SLC9A9: variants seen among roughly 807,000 people sequenced by gnomAD.
SLC9A9 encodes sodium/hydrogen exchanger 9.
Under a neutral mutation model 77.8 loss-of-function variants are expected in SLC9A9, and 62 were observed. The ratio of observed to expected loss-of-function variants is 0.80; its 90% confidence interval spans 0.65 to 0.98. The LOEUF (loss-of-function observed/expected upper bound fraction) is 0.98. Among genes scored for constraint, SLC9A9 ranks in the 50% least tolerant of loss-of-function variants. The pLI, the probability that SLC9A9 is intolerant of heterozygous loss-of-function variation, is 0.00. For missense variants in SLC9A9, 775 were observed against 774.9 expected (o/e 1.00, Z 0.00); for synonymous variants, 320 against 283.5 (o/e 1.13, Z -1.29).
At chr3:143,711,844 G>T (rs1934203736) in intron 4 of SLC9A9, among the ~76,000 whole-genome samples, 1 of 152,136 alleles carries the variant, frequency 6.6e-6, no homozygotes, top group South Asian at 2.1e-4. Flanking sequence ...ATTTGCTAAG[G>T]CTTGTTATTC....
chr3:143,291,336 C>T (rs779061973), intron 14 of SLC9A9, among the ~76,000 whole-genome samples: 2 of 152,160 alleles, frequency 1.3e-5, no homozygotes, highest in Non-Finnish European at 2.9e-5. Flanking sequence ...CCACATTTCC[C>T]TTAGATGGTT....
At chr3:143,628,128 G>T (rs554188888) in intron 6 of SLC9A9, among the ~76,000 whole-genome samples, 1 of 152,328 alleles carries the variant, frequency 6.6e-6, no homozygotes, top group East Asian at 1.9e-4. Flanking sequence ...TTTAGAATGT[G>T]AGCAACTGGG....
intron 14 of SLC9A9, among the ~76,000 whole-genome samples, chr3:143,317,342 A>G (rs1050575680): frequency 2.6e-5 from 4 of 152,138 alleles, no homozygotes; most frequent in Non-Finnish European, 4.4e-5. Flanking sequence ...GCTCCTGCAC[A>G]ACAGGGCAAC....
chr3:143,494,645 C>T (rs2035803084), intron 10 of SLC9A9, among the ~76,000 whole-genome samples: 1 of 152,196 alleles, frequency 6.6e-6, no homozygotes, highest in South Asian at 2.1e-4. Context: ...TTGCTGACTG[C>T]CTTTGGGGAC....
At chr3:143,747,714 A>C (rs1935228828) in intron 4 of SLC9A9, among the ~76,000 whole-genome samples, 1 of 152,204 alleles carries the variant, frequency 6.6e-6, no homozygotes, top group African/African-American at 2.4e-5. Context: ...TCTGGGAAAA[A>C]AGAAGCCCTG....
At chr3:143,555,942 T>C (rs2036972008) in intron 8 of SLC9A9, among the ~76,000 whole-genome samples, 1 of 152,226 alleles carries the variant, frequency 6.6e-6, no homozygotes, top group African/African-American at 2.4e-5. Context: ...TGACCCTTAG[T>C]ATTAGCATAC....
At chr3:143,694,341 T>G (rs759371093) in intron 4 of SLC9A9, among the ~76,000 whole-genome samples, 1 of 152,184 alleles carries the variant, frequency 6.6e-6, no homozygotes, top group African/African-American at 2.4e-5. Flanking sequence ...ACTATCTATA[T>G]GATTTTAAGT....
intron 6 of SLC9A9, among the ~76,000 whole-genome samples, chr3:143,614,042 A>G (rs1002485347): frequency 5.3e-5 from 8 of 152,266 alleles, no homozygotes; most frequent in African/African-American, 1.7e-4. Flanking sequence ...TTTCTTTCCT[A>G]CAGATTCTTT....
intron 12 of SLC9A9, among the ~76,000 whole-genome samples, chr3:143,419,871 A>G (rs934524650): frequency 4.6e-5 from 7 of 152,274 alleles, no homozygotes; most frequent in East Asian, 3.9e-4. Context: ...GCAGATGCCA[A>G]CTCATCTGAT....
At position 143,427,995 on chromosome 3, in the gene SLC9A9, C is replaced by T. The variant is rs900663972; in HGVS notation, c.1469+39042G>A. 2.0e-5 allele frequency among the ~76,000 whole-genome samples: 3 copies of T among 152,198 alleles called. No homozygotes were observed. In the South Asian group the frequency reaches 6.2e-4, roughly 32 times the overall value. On this transcript the variant is annotated intron_variant, in intron 12 of 15. Transcript: ENST00000316549. The stretch of plus-strand genomic sequence containing the variant: ...AGATTATGAAATTACTAAAGGAAAA[C>T]ATAGGAGAAATGCTTCATGAAATTG...
At chr3:143,530,712 T>G (rs1279801759) in intron 9 of SLC9A9, among the ~76,000 whole-genome samples, 2 of 151,998 alleles carry the variant, frequency 1.3e-5, no homozygotes, top group African/African-American at 4.8e-5. Flanking sequence ...TTTTGCAACA[T>G]GAAGAAAAAG....
intron 4 of SLC9A9, among the ~76,000 whole-genome samples, chr3:143,701,988 C>T (rs1933814855): frequency 6.6e-6 from 1 of 152,144 alleles, no homozygotes; most frequent in Non-Finnish European, 1.5e-5. Flanking sequence ...GGAAATCTTA[C>T]AAGCCAGGAG....
intron 6 of SLC9A9, among the ~76,000 whole-genome samples, chr3:143,579,607 A>G (rs1486315970): frequency 6.6e-6 from 1 of 151,606 alleles, no homozygotes; most frequent in East Asian, 1.9e-4. Flanking sequence ...GACATTTCAG[A>G]TTTTTTTTTG....
chr3:143,296,504 A>G (rs1423401231), intron 14 of SLC9A9, among the ~76,000 whole-genome samples: 1 of 152,242 alleles, frequency 6.6e-6, no homozygotes, highest in Non-Finnish European at 1.5e-5. Context: ...GGCTATTGTG[A>G]ATAATGCTGC....
At chr3:143,697,517 T>C (rs564200711) in intron 4 of SLC9A9, among the ~76,000 whole-genome samples, 5 of 124,826 alleles carry the variant, frequency 4.0e-5, no homozygotes, top group Admixed American at 1.7e-4. Context: ...ATTATTCCTT[T>C]TACAAATGAG....
intron 4 of SLC9A9, among the ~76,000 whole-genome samples, chr3:143,793,590 A>G (rs2008283372): frequency 6.6e-6 from 1 of 152,346 alleles, no homozygotes; most frequent in Middle Eastern, 3.4e-3. Context: ...GAAACAATGT[A>G]TAGGGATGTT....
At chr3:143,752,345 G>A (rs781744462) in intron 4 of SLC9A9, among the ~76,000 whole-genome samples, 20 of 152,130 alleles carry the variant, frequency 1.3e-4, no homozygotes, top group Non-Finnish European at 2.1e-4. Context: ...TTAGCCACAG[G>A]CAGCCTAGTA....
At chr3:143,284,473 C>G (rs923055902) in intron 14 of SLC9A9, among the ~76,000 whole-genome samples, 4 of 151,174 alleles carry the variant, frequency 2.6e-5, no homozygotes, top group Admixed American at 2.6e-4. Flanking sequence ...TTGATTGTGA[C>G]CTTCAGCCAG....
chr3:143,429,337 G>T (rs1163301766), intron 12 of SLC9A9, among the ~76,000 whole-genome samples: 1 of 152,216 alleles, frequency 6.6e-6, no homozygotes, highest in Admixed American at 6.5e-5. Flanking sequence ...AGCTATGGTA[G>T]GCTGTGAGGA....
Sources: allele counts gnomAD v4.1 joint callset (sites outside exome capture counted in the v4.1 genomes callset), GRCh38; gene constraint gnomAD v4.1.1; transcripts MANE v1.5; gene names NCBI Gene and HGNC (gene_info 2026-07-23, HGNC 2026-07-21).